The following SRP54 variants were observed in gnomAD, a reference collection of about 807,000 sequenced individuals.
SRP54 encodes the protein signal recognition particle subunit SRP54.
A neutral mutation model predicts 64.8 loss-of-function variants in SRP54; 10 were observed. That is an observed-to-expected ratio of 0.15 (90% confidence interval 0.10 to 0.26). The LOEUF is 0.26. Among genes scored for constraint, SRP54 ranks in the 10% least tolerant of loss-of-function variants. The pLI, the probability that SRP54 is intolerant of heterozygous loss-of-function variation, is 1.00. For missense variants in SRP54, 325 were observed against 613.7 expected (o/e 0.53, Z 4.97); for synonymous variants, 193 against 185.6 (o/e 1.04, Z -0.32).
Position 35,011,477 on chromosome 14 carries a change from G to A in SRP54, c.486-32G>A, listed in dbSNP as rs755935587. Reference sequence around the variant, plus strand: ...ATTAGTAGTATTTGGAAGTTTTGTCGTTTTGTTAAATCATTTGTCCATGTT... The same window carrying A: ...ATTAGTAGTATTTGGAAGTTTTGTCATTTTGTTAAATCATTTGTCCATGTT... On this transcript the variant is annotated intron_variant, in intron 7 of 15. Transcript: ENST00000216774. 20 of 1,379,268 alleles carry A rather than the reference G, an allele frequency of 1.5e-5. No homozygotes were observed. The East Asian group carries it at 3.1e-4, about 21-fold the overall frequency. The allele number at this position is 1,379,268 out of a possible 1,614,324, so 85.4% of individuals were successfully genotyped here. A position where few individuals can be genotyped will look rare whatever the true frequency, so the allele number is the denominator to read the frequency against.
At chr14:34,991,993 G>T (rs1044989226) in intron 1 of SRP54, among the ~76,000 whole-genome samples, 2 of 152,332 alleles carry the variant, frequency 1.3e-5, no homozygotes, top group East Asian at 3.9e-4. Context: ...GAGTGCAGTG[G>T]CACCATCTCG....
chr14:35,006,617 A>G (rs2044262124), intron 4 of SRP54, among the ~76,000 whole-genome samples: 1 of 152,174 alleles, frequency 6.6e-6, no homozygotes, highest in African/African-American at 2.4e-5. Context: ...AGTACTGGAA[A>G]TTTTAAAATT....
At chr14:35,017,535 G>A (rs1462359476) in intron 11 of SRP54, among the ~76,000 whole-genome samples, 2 of 152,116 alleles carry the variant, frequency 1.3e-5, no homozygotes, top group African/African-American at 4.8e-5. Flanking sequence ...CTAGTTGACT[G>A]CTATAACATT....
rs375369187 is a variant in SRP54 at position 35,008,863 on chromosome 14, A to G, written c.485+32A>G. 38 of 1,273,734 alleles carry G rather than the reference A, an allele frequency of 3.0e-5. No homozygotes were observed. The African/African-American group carries it at 5.0e-4, about 17-fold the overall frequency. 78.9% of individuals were successfully genotyped at this position (1,273,734 alleles called of 1,614,324 possible). On this transcript the variant is annotated intron_variant, in intron 7 of 15. Coordinates refer to ENST00000216774, the MANE Select transcript of SRP54 (RefSeq NM_003136.4). Reference sequence around the variant, plus strand: ...TACTGTTTTTTATTTTAACACTTATATCCCTCTTCTTGTCTGTCAGCTTTT... The same window carrying G: ...TACTGTTTTTTATTTTAACACTTATGTCCCTCTTCTTGTCTGTCAGCTTTT...
At chr14:35,011,774 T>A in intron 8 of SRP54, 115 bp downstream of exon 8, 1 of 978,400 alleles carries the variant, frequency 1.0e-6, no homozygotes, top group Non-Finnish European at 1.4e-6. Flanking sequence ...AGATCCCCAG[T>A]AATTTATTTT....
Position 35,025,907 on chromosome 14 carries a change from T to C in SRP54, c.1328-2181T>C, listed in dbSNP as rs918823202. Among the ~76,000 whole-genome samples, 4 of 152,004 alleles carry C rather than the reference T, an allele frequency of 2.6e-5. No homozygotes were observed. The East Asian group carries it at 7.7e-4, about 29-fold the overall frequency. ...TAATGCCCCTTTCAAATAAATAATT[T>C]TGGATGGTTGTGGTGGCTCATACTT... is the stretch of plus-strand genomic sequence containing the variant. On this transcript the variant is annotated intron_variant, in intron 14 of 15. Transcript: ENST00000216774.
intron 15 of SRP54, among the ~76,000 whole-genome samples, chr14:35,028,798 G>A (rs917344588): frequency 1.7e-4 from 26 of 151,972 alleles, no homozygotes; most frequent in Non-Finnish European, 1.8e-4. Flanking sequence ...CTATGTGACC[G>A]GTAGTATCCT....
At chr14:35,024,738 T>A (rs1471930632) in intron 14 of SRP54, among the ~76,000 whole-genome samples, 1 of 151,970 alleles carries the variant, frequency 6.6e-6, no homozygotes. Flanking sequence ...CATTTTCTTC[T>A]TTTTTTGAGA....
chr14:34,987,304 T>C (rs901945659), intron 1 of SRP54, among the ~76,000 whole-genome samples: 10 of 111,924 alleles, frequency 8.9e-5, no homozygotes, highest in East Asian at 4.3e-4. Flanking sequence ...CACACACACA[T>C]AATTCTTAGT....
At chr14:35,022,523 A>G (rs2044550826) in intron 13 of SRP54, among the ~76,000 whole-genome samples, 1 of 151,908 alleles carries the variant, frequency 6.6e-6, no homozygotes, top group African/African-American at 2.4e-5. Flanking sequence ...TGCCCAGCTA[A>G]TTTTTGTATT....
intron 7 of SRP54, among the ~76,000 whole-genome samples, chr14:35,009,133 C>T (rs2044314792): frequency 6.6e-6 from 1 of 152,158 alleles, no homozygotes; most frequent in South Asian, 2.1e-4. Flanking sequence ...GGTGATCCAC[C>T]TGCCTCAGCC....
intron 1 of SRP54, among the ~76,000 whole-genome samples, chr14:34,987,375 C>T (rs569566500): frequency 6.6e-6 from 1 of 150,632 alleles, no homozygotes; most frequent in Admixed American, 6.6e-5. Context: ...CAACTATCAC[C>T]ATAATCAATT....
At chr14:35,011,482 G>T in intron 7 of SRP54, 27 bp from the exon 8 acceptor site, 1 of 1,393,254 alleles carries the variant, frequency 7.2e-7, no homozygotes, top group Non-Finnish European at 9.4e-7. Flanking sequence ...TTGTCGTTTT[G>T]TTAAATCATT....
In SRP54 at chr14:35,007,329, A is replaced by C; in HGVS notation, c.302A>C (p.Gln101Pro). 1 of 1,595,804 alleles carries C rather than the reference A, an allele frequency of 6.3e-7. No individual in the cohort carries two copies. Among genetic ancestry groups the C allele is most frequent in the East Asian group, 2.2e-5 (1 of 44,584 alleles). The change falls in exon 5 of 16, where the codon CAA (glutamine) becomes CCA (proline). Residue 101 changes from glutamine (Q) to proline (P), a missense_variant. By Grantham distance (76) the Gln-to-Pro change is moderately conservative. Coordinates refer to ENST00000216774, the MANE Select transcript of SRP54 (RefSeq NM_003136.4). ...GCATGGACACCCACTAAAGGAAAAC[A>C]AAATGTGATTATGTTTGTTGGATTG... Reference protein sequence around the residue: ...VKAWTPTKGKQNVIMFVGLQG... With the variant: ...VKAWTPTKGKPNVIMFVGLQG...
intron 1 of SRP54, among the ~76,000 whole-genome samples, chr14:34,993,867 G>C (rs1255515177): frequency 6.6e-6 from 1 of 151,712 alleles, no homozygotes; most frequent in African/African-American, 2.4e-5. Context: ...GGCTAATTTT[G>C]TATTTTTAGT....
rs746912378 is a variant in SRP54 at position 35,013,788 on chromosome 14, CT to C, written c.786-5del. On this transcript the variant is annotated splice_polypyrimidine_tract_variant and intron_variant, in intron 9 of 15. Coordinates refer to ENST00000216774, the MANE Select transcript of SRP54 (RefSeq NM_003136.4). ...TTCTTTTGAGGTTATTTTATATTTT[CT>C]TTTTTTTTCCAGAGTCGCTGCCACA... 27 of 1,554,186 alleles carry C rather than the reference CT, an allele frequency of 1.7e-5. No homozygotes were observed. Among genetic ancestry groups the C allele is most frequent in the Admixed American group, 5.5e-5 (3 of 54,350 alleles).
chr14:34,984,509 C>G (rs2043862981), intron 1 of SRP54, among the ~76,000 whole-genome samples: 2 of 152,096 alleles, frequency 1.3e-5, no homozygotes, highest in Non-Finnish European at 2.9e-5. Flanking sequence ...ATTTCCAAAC[C>G]TTGTTCTTTT....
At chr14:35,005,318 C>CA (rs1365181579) in intron 4 of SRP54, among the ~76,000 whole-genome samples, 3 of 152,084 alleles carry the variant, frequency 2.0e-5, no homozygotes, top group Non-Finnish European at 2.9e-5. Flanking sequence ...GCCTGGGTAA[C>CA]AGAGTAAGAC....
At chr14:35,026,348 C>T (rs1264331754) in intron 14 of SRP54, among the ~76,000 whole-genome samples, 1 of 152,010 alleles carries the variant, frequency 6.6e-6, no homozygotes, top group East Asian at 1.9e-4. Context: ...CAATCTGAGG[C>T]CCCCAAGTAG....
Sources: allele counts gnomAD v4.1 joint callset (sites outside exome capture counted in the v4.1 genomes callset), GRCh38; gene constraint gnomAD v4.1.1; transcripts MANE v1.5; gene names NCBI Gene and HGNC (gene_info 2026-07-23, HGNC 2026-07-21).